Variants in HS3ST4 observed in about 807,000 individuals in gnomAD.
HS3ST4 encodes heparan sulfate-glucosamine 3-sulfotransferase 4.
Under a neutral mutation model 29.2 loss-of-function variants are expected in HS3ST4, and 17 were observed. That is an observed-to-expected ratio of 0.58 (90% CI 0.40 to 0.87). The LOEUF (loss-of-function observed/expected upper bound fraction) is 0.87. Ranked by LOEUF, HS3ST4 falls within the 40% of genes least tolerant of loss-of-function variation. The probability of loss-of-function intolerance (pLI) is 0.00; values close to 1 mark genes in which losing one functional copy is unlikely to be tolerated. For missense variants in HS3ST4, 627 were observed against 634.5 expected, an observed-to-expected ratio of 0.99 and a Z score of 0.13; for synonymous variants, 314 against 285.7, an observed-to-expected ratio of 1.10 and a Z score of -1.00.
intron 1 of HS3ST4, among the ~76,000 whole-genome samples, chr16:25,940,408 T>A (rs1968561281): frequency 1.3e-5 from 2 of 152,090 alleles, no homozygotes; most frequent in African/African-American, 4.8e-5. Context: ...TTAGTATGGA[T>A]TTAGGCTATA....
At chr16:25,736,582 A>T (rs11639748) in intron 1 of HS3ST4, among the ~76,000 whole-genome samples, 4,760 of 152,256 alleles carry the variant, frequency 0.031, 94 homozygotes, top group Non-Finnish European at 0.045. Flanking sequence ...TTAACATTTT[A>T]TTTTCATGGA....
intron 1 of HS3ST4, among the ~76,000 whole-genome samples, chr16:25,864,983 C>G (rs919708725): frequency 7.4e-6 from 1 of 135,352 alleles, no homozygotes; most frequent in South Asian, 2.4e-4. Flanking sequence ...CTCACACACA[C>G]ATACACACTC....
chr16:25,772,792 GA>G, intron 1 of HS3ST4, among the ~76,000 whole-genome samples: 1 of 152,266 alleles, frequency 6.6e-6, no homozygotes, highest in Non-Finnish European at 1.5e-5. Context: ...AGAAACGTTT[GA>G]CATTTCATTT....
intron 1 of HS3ST4, among the ~76,000 whole-genome samples, chr16:26,035,039 T>C (rs1403497271): frequency 1.3e-5 from 2 of 152,144 alleles, no homozygotes; most frequent in African/African-American, 4.8e-5. Flanking sequence ...CCATATCTCT[T>C]TGGCCATCTC....
At chr16:25,920,545 G>A (rs950200414) in intron 1 of HS3ST4, among the ~76,000 whole-genome samples, 1 of 151,064 alleles carries the variant, frequency 6.6e-6, no homozygotes, top group Non-Finnish European at 1.5e-5. Flanking sequence ...ATCTGCACCT[G>A]AAATGTTTGT....
intron 1 of HS3ST4, among the ~76,000 whole-genome samples, chr16:25,783,376 G>A (rs987035787): frequency 1.3e-5 from 2 of 152,018 alleles, no homozygotes; most frequent in Non-Finnish European, 2.9e-5. Flanking sequence ...TAACTTCCCT[G>A]CCCTCTGTTT....
intron 1 of HS3ST4, among the ~76,000 whole-genome samples, chr16:25,939,893 C>T (rs1453729399): frequency 6.6e-6 from 1 of 152,194 alleles, no homozygotes; most frequent in Non-Finnish European, 1.5e-5. Context: ...AGCTTTGCTG[C>T]CTGGCTCTCC....
At chr16:26,054,321 A>G in intron 1 of HS3ST4, among the ~76,000 whole-genome samples, 2 of 147,988 alleles carry the variant, frequency 1.4e-5, no homozygotes, top group Non-Finnish European at 3.0e-5. Context: ...GAAGAAGAAG[A>G]AGAAGAAGAG....
At chr16:26,104,527 T>C (rs1899027347) in intron 1 of HS3ST4, among the ~76,000 whole-genome samples, 1 of 152,252 alleles carries the variant, frequency 6.6e-6, no homozygotes. Flanking sequence ...AGGTGCTCAC[T>C]GAGAGCCCCA....
chr16:25,813,436 A>G (rs955502784), intron 1 of HS3ST4, among the ~76,000 whole-genome samples: 1 of 152,094 alleles, frequency 6.6e-6, no homozygotes, highest in Non-Finnish European at 1.5e-5. Flanking sequence ...CGTCTCCACT[A>G]AAAATACAAA....
intron 1 of HS3ST4, among the ~76,000 whole-genome samples, chr16:25,986,501 C>G (rs1483344250): frequency 6.6e-6 from 1 of 152,204 alleles, no homozygotes; most frequent in Non-Finnish European, 1.5e-5. Flanking sequence ...TCTCTTGTGT[C>G]CAGTCCTCTG....
intron 1 of HS3ST4, among the ~76,000 whole-genome samples, chr16:25,876,250 G>T (rs1163623657): frequency 3.9e-5 from 6 of 151,986 alleles, no homozygotes; most frequent in African/African-American, 1.2e-4. Context: ...ATCATTTTGT[G>T]GTAGGTGCCA....
chr16:26,040,304 T>A (rs1969624489), intron 1 of HS3ST4, among the ~76,000 whole-genome samples: 1 of 151,272 alleles, frequency 6.6e-6, no homozygotes, highest in African/African-American at 2.4e-5. Context: ...TTCTTTTTTT[T>A]TTTTTTTTTG....
intron 1 of HS3ST4, among the ~76,000 whole-genome samples, chr16:25,881,723 G>T (rs1016039575): frequency 1.3e-5 from 2 of 152,056 alleles, no homozygotes; most frequent in Non-Finnish European, 2.9e-5. Context: ...TTCCTAGATG[G>T]TCATTCTCTG....
intron 1 of HS3ST4, among the ~76,000 whole-genome samples, chr16:25,737,040 T>G (rs1463240618): frequency 6.8e-6 from 1 of 146,140 alleles, no homozygotes; most frequent in Non-Finnish European, 1.5e-5. Flanking sequence ...TAGAGATGGG[T>G]TTTTTTTTTA....
At chr16:25,727,072 A>G (rs1415406243) in intron 1 of HS3ST4, among the ~76,000 whole-genome samples, 1 of 152,048 alleles carries the variant, frequency 6.6e-6, no homozygotes, top group African/African-American at 2.4e-5. Context: ...TGGTATCCCT[A>G]CTTTGGAGTT....
intron 1 of HS3ST4, among the ~76,000 whole-genome samples, chr16:25,753,625 T>C (rs1966735842): frequency 6.6e-6 from 1 of 152,116 alleles, no homozygotes; most frequent in African/African-American, 2.4e-5. Flanking sequence ...CTTAGTGATA[T>C]CAAGTAACGA....
At chr16:25,706,606 C>T (rs1412604268) in intron 1 of HS3ST4, among the ~76,000 whole-genome samples, 1 of 152,010 alleles carries the variant, frequency 6.6e-6, no homozygotes, top group African/African-American at 2.4e-5. Flanking sequence ...CTGTTCGGCT[C>T]CCACTTATGA....
At position 26,117,534 on chromosome 16, in the gene HS3ST4, C is replaced by T. The variant is rs377203765; in HGVS notation, c.735-18078C>T. Among the ~76,000 whole-genome samples, 584 of 152,358 alleles carry T rather than the reference C, an allele frequency of 3.8e-3. 4 individuals are homozygous for T. Among genetic ancestry groups the T allele is most frequent in the African/African-American group, 0.013 (547 of 41,580 alleles). Reference sequence around the variant, plus strand: ...GCTATTCCATGTTATATCTGCATTTCATGGCTGAGGTCGCTCCATATCCAA... The same window carrying T: ...GCTATTCCATGTTATATCTGCATTTTATGGCTGAGGTCGCTCCATATCCAA... On this transcript the variant is annotated intron_variant, in intron 1 of 1. Transcript: ENST00000331351.
Sources: gnomAD v4.1 joint callset for allele counts (sites outside exome capture counted in the v4.1 genomes callset) on GRCh38, gnomAD v4.1.1 for gene constraint, MANE v1.5 for transcripts, NCBI Gene and HGNC (gene_info 2026-07-23, HGNC 2026-07-21) for gene names.